EFNA5: variants seen among roughly 807,000 people sequenced by gnomAD.
EFNA5 encodes ephrin A5, also known as ephrin-A5.
In EFNA5, 5 loss-of-function variants were observed where a neutral mutation model predicts 22.9. That is an observed-to-expected ratio of 0.22 (90% CI 0.11 to 0.46). The LOEUF (loss-of-function observed/expected upper bound fraction) is 0.46. EFNA5 is among the 20% of genes least tolerant of loss of function. The pLI is 0.99. For synonymous variants in EFNA5, 113 were observed against 112.2 expected, an observed-to-expected ratio of 1.01 and a Z score of -0.04; for missense variants, 237 against 293.3, an observed-to-expected ratio of 0.81 and a Z score of 1.40.
intron 1 of EFNA5, among the ~76,000 whole-genome samples, chr5:107,548,114 G>T (rs910959269): frequency 5.3e-5 from 8 of 152,118 alleles, no homozygotes; most frequent in Non-Finnish European, 7.4e-5. Flanking sequence ...TTCCAATGAC[G>T]ACAATGAGGT....
At chr5:107,470,492 T>G (rs1470686538) in intron 1 of EFNA5, among the ~76,000 whole-genome samples, 1 of 152,220 alleles carries the variant, frequency 6.6e-6, no homozygotes, top group African/African-American at 2.4e-5. Flanking sequence ...ACCATTAATG[T>G]CTGTGTCAGT....
chr5:107,524,620 G>A (rs1747658606), intron 1 of EFNA5, among the ~76,000 whole-genome samples: 1 of 152,180 alleles, frequency 6.6e-6, no homozygotes, highest in African/African-American at 2.4e-5. Context: ...GGAGAAAACT[G>A]TGAAGTTATT....
rs1056133502 is a variant in EFNA5, at chr5:107,497,713, T to C, written c.126-70204A>G. Among the ~76,000 whole-genome samples, 5 of 152,146 alleles carry C rather than the reference T, an allele frequency of 3.3e-5. No homozygotes were observed. The East Asian group carries it at 5.8e-4, about 18-fold the overall frequency. On this transcript the variant is annotated intron_variant, in intron 1 of 4. Transcript: ENST00000333274. ...CGCAGGGCACAGTGCAAAATGAGAA[T>C]GTAGGACTCCTTGTTCAAAAAGCAA...
At chr5:107,588,245 A>G (rs76481339) in intron 1 of EFNA5, among the ~76,000 whole-genome samples, 1 of 151,924 alleles carries the variant, frequency 6.6e-6, no homozygotes, top group Non-Finnish European at 1.5e-5. Context: ...AAAAAAAAAA[A>G]GCAACAGAGA....
chr5:107,608,310 C>A (rs12519591), intron 1 of EFNA5, among the ~76,000 whole-genome samples: 26,127 of 152,070 alleles, frequency 0.17, 2,667 homozygotes, highest in African/African-American at 0.26. Context: ...TTTGAGCAAC[C>A]GTGTTAGGAG....
At chr5:107,554,788 G>A (rs1251012304) in intron 1 of EFNA5, among the ~76,000 whole-genome samples, 2 of 152,114 alleles carry the variant, frequency 1.3e-5, no homozygotes, top group Admixed American at 6.5e-5. Flanking sequence ...TAGGAAAACC[G>A]AGTCTTAAAA....
intron 1 of EFNA5, among the ~76,000 whole-genome samples, chr5:107,451,424 G>A (rs985595312): frequency 2.1e-4 from 32 of 152,070 alleles, no homozygotes; most frequent in African/African-American, 7.2e-4. Context: ...TTTTTCCTAA[G>A]AGCCACAAAT....
chr5:107,428,679 G>A lies in EFNA5; in HGVS notation c.126-1170C>T, dbSNP rs530618743. Among the ~76,000 whole-genome samples the A allele has an allele frequency of 6.8e-4, 103 of 152,288 alleles. 1 individual carries two copies. The highest frequency in any genetic ancestry group is 2.3e-3 in the African/African-American group (95 of 41,556). On this transcript the variant is annotated intron_variant, in intron 1 of 4. Coordinates refer to ENST00000333274, the MANE Select transcript of EFNA5 (RefSeq NM_001962.3). ...AATTTCATCATAAAATTGTGTTACT[G>A]CTGAAATACAATGCTCATAAAGTCA...
At chr5:107,615,002 T>C (rs1375513165) in intron 1 of EFNA5, among the ~76,000 whole-genome samples, 1 of 152,158 alleles carries the variant, frequency 6.6e-6, no homozygotes, top group Non-Finnish European at 1.5e-5. Flanking sequence ...GAGCCACAAA[T>C]GTTTTGATGT....
At chr5:107,611,008 G>A (rs979389527) in intron 1 of EFNA5, among the ~76,000 whole-genome samples, 1 of 152,064 alleles carries the variant, frequency 6.6e-6, no homozygotes, top group Admixed American at 6.5e-5. Context: ...GGAGAATCAG[G>A]CGACCTGGGC....
At chr5:107,401,690 C>T (rs1252538195) in intron 2 of EFNA5, among the ~76,000 whole-genome samples, 2 of 152,118 alleles carry the variant, frequency 1.3e-5, no homozygotes, top group Non-Finnish European at 2.9e-5. Context: ...TCTTTTCACT[C>T]TATATATTGG....
At chr5:107,402,611 G>A (rs1202196142) in intron 2 of EFNA5, among the ~76,000 whole-genome samples, 3 of 152,192 alleles carry the variant, frequency 2.0e-5, no homozygotes, top group Non-Finnish European at 4.4e-5. Flanking sequence ...TGACAGCAAG[G>A]TAAGTTTCAC....
At chr5:107,577,346 T>C (rs570972080) in intron 1 of EFNA5, among the ~76,000 whole-genome samples, 235 of 152,234 alleles carry the variant, frequency 1.5e-3, no homozygotes, top group Admixed American at 4.3e-3. Flanking sequence ...TGTCTGTGAA[T>C]AGCATTTCAT....
intron 1 of EFNA5, among the ~76,000 whole-genome samples, chr5:107,518,748 C>T (rs1747534424): frequency 6.6e-6 from 1 of 152,150 alleles, no homozygotes; most frequent in African/African-American, 2.4e-5. Context: ...ACACTAGTTC[C>T]TACAACGTAT....
At chr5:107,585,518 G>A (rs930001095) in intron 1 of EFNA5, among the ~76,000 whole-genome samples, 8 of 152,004 alleles carry the variant, frequency 5.3e-5, no homozygotes, top group African/African-American at 1.9e-4. Flanking sequence ...GCCATATAGA[G>A]AAATAGAAAA....
chr5:107,669,852 G>A (rs1437736722), intron 1 of EFNA5, among the ~76,000 whole-genome samples: 1 of 151,856 alleles, frequency 6.6e-6, no homozygotes, highest in Non-Finnish European at 1.5e-5. Flanking sequence ...GAGAAGATGG[G>A]AGAATCCTCT....
At chr5:107,476,882 C>A (rs1048037375) in intron 1 of EFNA5, among the ~76,000 whole-genome samples, 2 of 152,028 alleles carry the variant, frequency 1.3e-5, no homozygotes, top group Admixed American at 6.5e-5. Flanking sequence ...CAGAATCAGA[C>A]AGAATGAAAT....
intron 1 of EFNA5, among the ~76,000 whole-genome samples, chr5:107,588,978 A>G (rs1453983494): frequency 6.6e-6 from 1 of 152,156 alleles, no homozygotes; most frequent in East Asian, 1.9e-4. Flanking sequence ...AGGGTCCTCA[A>G]CTTGCTCTAA....
rs147059614 is a variant in EFNA5 at position 107,435,143 on chromosome 5, G to A, written c.126-7634C>T. Among the ~76,000 whole-genome samples, 21 of 152,238 alleles carry A rather than the reference G, an allele frequency of 1.4e-4. 1 individual carries two copies. The highest frequency in any genetic ancestry group is 4.1e-4 in the African/African-American group (17 of 41,550). On this transcript the variant is annotated intron_variant, in intron 1 of 4. Coordinates refer to ENST00000333274, the MANE Select transcript of EFNA5 (RefSeq NM_001962.3). ...TAATTTTTCATTTGTCCCAAAAGGG[G>A]CTAATGGGTCCTGCAACAGATATGG...
Sources: gnomAD v4.1 joint callset for allele counts (sites outside exome capture counted in the v4.1 genomes callset) on GRCh38, gnomAD v4.1.1 for gene constraint, MANE v1.5 for transcripts, NCBI Gene and HGNC (gene_info 2026-07-23, HGNC 2026-07-21) for gene names.